BTG4: variants seen among roughly 807,000 people sequenced by gnomAD.
The protein encoded by BTG4 is BTG anti-proliferation factor 4, also known as protein BTG4.
A neutral mutation model predicts 19.3 loss-of-function variants in BTG4; 10 were observed. The observed-to-expected ratio is 0.52, with a 90% CI of 0.32 to 0.88. The LOEUF is 0.88. BTG4 is among the 40% of genes least tolerant of loss of function. BTG4 has a pLI of 0.04. For missense variants in BTG4, 238 were observed against 281.9 expected (o/e 0.84, Z 1.11); for synonymous variants, 91 against 95.7 (o/e 0.95, Z 0.29).
the BTG4 span, chr11:111,417,121 C>T: frequency 6.6e-6 from 1 of 152,122 alleles, no homozygotes; most frequent in Admixed American, 6.5e-5. Flanking sequence ...CTGATGACTC[C>T]AATACACCTG....
chr11:111,490,681 T>C (rs1335679879), downstream of BTG4, among the ~76,000 whole-genome samples: 1 of 152,176 alleles, frequency 6.6e-6, no homozygotes, highest in African/African-American at 2.4e-5. Flanking sequence ...TCACTAGCCA[T>C]GAGGGTCATG....
intron 3 of BTG4, 58 bp from the exon 4 acceptor site, chr11:111,497,467 C>A: frequency 8.6e-7 from 1 of 1,167,504 alleles, no homozygotes. Context: ...ACAAGATCTC[C>A]AATCTTTCCT....
the BTG4 span, among the ~76,000 whole-genome samples, chr11:111,436,559 G>A: frequency 0.018 from 2,753 of 150,126 alleles, 93 homozygotes; most frequent in African/African-American, 0.063. Flanking sequence ...TCTGGGAGAC[G>A]GAGATGGCAG....
At chr11:111,478,538 C>A (rs550752123) in intron 5 of BTG4, among the ~76,000 whole-genome samples, 1 of 151,832 alleles carries the variant, frequency 6.6e-6, no homozygotes, top group South Asian at 2.1e-4. Flanking sequence ...ACCAAGATGA[C>A]AAAGATGTTA....
At chr11:111,505,039 T>C (rs924438952) in intron 1 of BTG4, among the ~76,000 whole-genome samples, 1 of 151,974 alleles carries the variant, frequency 6.6e-6, no homozygotes, top group Non-Finnish European at 1.5e-5. Context: ...AATAACCATA[T>C]TACCCAAGCA....
upstream of BTG4, chr11:111,514,705 C>T (rs1867148838): frequency 1.8e-6 from 2 of 1,098,092 alleles, no homozygotes; most frequent in Non-Finnish European, 2.5e-6. Context: ...CTGGTACCAA[C>T]TTGGCGGTTC....
chr11:111,512,925 C>A (rs761554371), upstream of BTG4: 2 of 445,106 alleles, frequency 4.5e-6, no homozygotes, highest in South Asian at 3.3e-5. Context: ...GGAGCTGCAG[C>A]CGCGGGTGCC....
At chr11:111,389,767 G>A in the BTG4 span, among the ~76,000 whole-genome samples, 7 of 152,036 alleles carry the variant, frequency 4.6e-5, no homozygotes, top group Non-Finnish European at 8.8e-5. Context: ...TAAACTGATC[G>A]GCATGAGTAC....
chr11:111,393,672 G>T, the BTG4 span, among the ~76,000 whole-genome samples: 2 of 152,104 alleles, frequency 1.3e-5, no homozygotes, highest in East Asian at 3.8e-4. Flanking sequence ...GGTCTAGCAT[G>T]AGGAGGAGAG....
At chr11:111,409,907 G>A in the BTG4 span, among the ~76,000 whole-genome samples, 1 of 152,202 alleles carries the variant, frequency 6.6e-6, no homozygotes, top group Non-Finnish European at 1.5e-5. Context: ...ATGTATTGGA[G>A]TGATAAGTAA....
At chr11:111,489,739 C>A (rs1865297859) in intron 5 of BTG4, among the ~76,000 whole-genome samples, 1 of 151,624 alleles carries the variant, frequency 6.6e-6, no homozygotes, top group Non-Finnish European at 1.5e-5. Flanking sequence ...GTGAAATAAG[C>A]CAGGCACAGA....
chr11:111,497,155 T>A (rs532283795), intron 4 of BTG4, 56 bp downstream of exon 4: 14 of 1,487,738 alleles, frequency 9.4e-6, no homozygotes, highest in Non-Finnish European at 1.2e-5. Flanking sequence ...AATGAGTGCA[T>A]TCTTTTTAGA....
the BTG4 span, among the ~76,000 whole-genome samples, chr11:111,436,642 A>AAC: frequency 1.8e-4 from 27 of 150,752 alleles, 1 homozygote; most frequent in African/African-American, 5.4e-4. Context: ...AAAGAAAAAA[A>AAC]AAAAACAAAA....
chr11:111,471,661 T>A (rs938741169), intron 5 of BTG4, among the ~76,000 whole-genome samples: 1 of 152,150 alleles, frequency 6.6e-6, no homozygotes, highest in Non-Finnish European at 1.5e-5. Context: ...CTTGAAGGTC[T>A]CTTCTAGTCT....
the BTG4 span, among the ~76,000 whole-genome samples, chr11:111,436,619 CTCCG>C: frequency 7.6e-6 from 1 of 131,358 alleles, no homozygotes; most frequent in Non-Finnish European, 1.6e-5. Context: ...GAGAGCAAAA[CTCCG>C]TCTCAAAAAA....
chr11:111,502,092 A>T (rs538674803), intron 1 of BTG4, among the ~76,000 whole-genome samples: 2 of 151,864 alleles, frequency 1.3e-5, no homozygotes, highest in Non-Finnish European at 2.9e-5. Context: ...TCACCTGAAG[A>T]TCTTTTAAAA....
At chr11:111,438,526 T>C in the BTG4 span, among the ~76,000 whole-genome samples, 41 of 152,330 alleles carry the variant, frequency 2.7e-4, no homozygotes, top group Admixed American at 2.4e-3. Flanking sequence ...TACCAAATGT[T>C]GCCAGGTATT....
the BTG4 span, among the ~76,000 whole-genome samples, chr11:111,439,037 G>GC: frequency 1.3e-5 from 2 of 152,160 alleles, no homozygotes; most frequent in Non-Finnish European, 2.9e-5. Flanking sequence ...CACGTGGGCT[G>GC]CCCCCTGTCC....
At chr11:111,459,151 A>G in the BTG4 span, among the ~76,000 whole-genome samples, 5 of 152,076 alleles carry the variant, frequency 3.3e-5, no homozygotes, top group African/African-American at 1.2e-4. Flanking sequence ...CTGAGGCGGG[A>G]GAATCGCTTG....
Sources: gnomAD v4.1 joint callset for allele counts (sites outside exome capture counted in the v4.1 genomes callset) on GRCh38, gnomAD v4.1.1 for gene constraint, MANE v1.5 for transcripts, NCBI Gene and HGNC (gene_info 2026-07-23, HGNC 2026-07-21) for gene names.